The following SHB variants were observed in gnomAD, a reference collection of about 807,000 sequenced individuals.
SHB encodes SH2 domain-containing adapter protein B.
A neutral mutation model predicts 52.3 loss-of-function variants in SHB; 20 were observed. The ratio of observed to expected loss-of-function variants is 0.38; its 90% CI spans 0.27 to 0.56. SHB has a LOEUF of 0.56. Ranked by LOEUF, SHB falls within the 20% of genes least tolerant of loss-of-function variation. SHB has a pLI of 0.71. For missense variants in SHB, 825 were observed against 723.3 expected (o/e 1.14, Z -1.61); for synonymous variants, 397 against 316.5 (o/e 1.25, Z -2.70).
At chr9:38,036,697 G>C (rs1428491995) in intron 1 of SHB, among the ~76,000 whole-genome samples, 1 of 152,242 alleles carries the variant, frequency 6.6e-6, no homozygotes, top group Non-Finnish European at 1.5e-5. Flanking sequence ...TCTCTCCATT[G>C]AGCCACAGGA....
intron 5 of SHB, among the ~76,000 whole-genome samples, chr9:37,933,535 C>T (rs1832336935): frequency 6.6e-6 from 1 of 152,146 alleles, no homozygotes; most frequent in South Asian, 2.1e-4. Context: ...CCTAGAATGT[C>T]CACCAGTACC....
chr9:38,008,441 T>C (rs1821097367), intron 2 of SHB, among the ~76,000 whole-genome samples: 1 of 152,260 alleles, frequency 6.6e-6, no homozygotes, highest in African/African-American at 2.4e-5. Flanking sequence ...ATCTCCTTCC[T>C]GTCCGGTAGG....
chr9:38,018,725 G>A (rs1263827759), intron 1 of SHB, among the ~76,000 whole-genome samples: 1 of 152,162 alleles, frequency 6.6e-6, no homozygotes, highest in Non-Finnish European at 1.5e-5. Flanking sequence ...ATTCAACCAG[G>A]TGTTAGGAGA....
At chr9:38,025,967 A>G (rs1296684988) in intron 1 of SHB, among the ~76,000 whole-genome samples, 4 of 152,238 alleles carry the variant, frequency 2.6e-5, no homozygotes, top group African/African-American at 9.6e-5. Flanking sequence ...ACATATTTAC[A>G]GAGTGCCTCC....
At chr9:37,956,258 G>A (rs942171367) in intron 3 of SHB, among the ~76,000 whole-genome samples, 2 of 152,204 alleles carry the variant, frequency 1.3e-5, no homozygotes, top group African/African-American at 4.8e-5. Flanking sequence ...AATGGTGCGT[G>A]TGAGGGGCTG....
intron 1 of SHB, among the ~76,000 whole-genome samples, chr9:38,059,976 G>A (rs1200808994): frequency 1.3e-5 from 2 of 152,196 alleles, no homozygotes; most frequent in East Asian, 1.9e-4. Context: ...ATAAATGTTG[G>A]AATCAGTCAC....
intron 1 of SHB, among the ~76,000 whole-genome samples, chr9:38,031,715 C>A (rs755817225): frequency 5.9e-5 from 9 of 152,216 alleles, no homozygotes; most frequent in Non-Finnish European, 8.8e-5. Context: ...CAGCACTTGA[C>A]AACGGCTGTA....
At chr9:37,977,982 G>A (rs1457977400) in intron 2 of SHB, among the ~76,000 whole-genome samples, 1 of 152,200 alleles carries the variant, frequency 6.6e-6, no homozygotes, top group African/African-American at 2.4e-5. Flanking sequence ...GAGTGCTTTT[G>A]CTCACTCTCA....
intron 1 of SHB, among the ~76,000 whole-genome samples, chr9:38,022,964 T>A (rs970844367): frequency 1.3e-5 from 2 of 152,156 alleles, no homozygotes; most frequent in African/African-American, 4.8e-5. Flanking sequence ...ACACTCAGTA[T>A]CTTTCTAGTG....
intron 3 of SHB, among the ~76,000 whole-genome samples, chr9:37,973,181 G>A (rs183375361): frequency 1.2e-4 from 18 of 152,278 alleles, no homozygotes; most frequent in Admixed American, 2.6e-4. Flanking sequence ...CTGGACATTC[G>A]GGTTGCTCTC....
At chr9:37,998,170 G>A (rs1451031517) in intron 2 of SHB, among the ~76,000 whole-genome samples, 6 of 150,832 alleles carry the variant, frequency 4.0e-5, no homozygotes, top group African/African-American at 7.3e-5. Context: ...TCTGAGTTAC[G>A]ATTCCAAGGC....
intron 1 of SHB, among the ~76,000 whole-genome samples, chr9:38,057,566 A>G (rs1322282462): frequency 6.6e-6 from 1 of 152,230 alleles, no homozygotes; most frequent in Non-Finnish European, 1.5e-5. Context: ...AGGGCCCCAC[A>G]CAGGGCAGGT....
At chr9:37,939,490 T>C (rs1007389911) in intron 5 of SHB, among the ~76,000 whole-genome samples, 3 of 152,232 alleles carry the variant, frequency 2.0e-5, no homozygotes, top group Non-Finnish European at 2.9e-5. Flanking sequence ...ATTTGGGTCA[T>C]GGATGCTGAC....
chr9:37,916,079 C>T lies in SHB; in HGVS notation c.*3742G>A, dbSNP rs997354417. ...GAAAGGCCAAGGGGCACCTGTGTTC[C>T]AGGACCAAGGGGCTTGCCCTCCTGC... is the stretch of plus-strand genomic sequence containing the variant. On this transcript the variant is annotated 3_prime_UTR_variant, in exon 6 of 6. Transcript: ENST00000377707. 1.3e-5 allele frequency among the ~76,000 whole-genome samples: 2 copies of T among 150,758 alleles called. No homozygotes were observed. Among genetic ancestry groups the T allele is most frequent in the African/African-American group, 2.5e-5 (1 of 40,058 alleles).
chr9:37,938,998 T>TGG (rs1832406971), intron 5 of SHB, among the ~76,000 whole-genome samples: 1 of 152,222 alleles, frequency 6.6e-6, no homozygotes. Flanking sequence ...CTCCGAAATC[T>TGG]GGATGTGGTC....
rs142983370 is a variant in SHB, at chr9:37,927,181, G to A, written c.1347-7177C>T. ...ACTGGTTTCTCCAGCTGTCTGAGGC[G>A]TGGGGCAGGGGGCATGGAGGCTCCT... On this transcript the variant is annotated intron_variant, in intron 5 of 5. Coordinates refer to ENST00000377707, the MANE Select transcript of SHB (RefSeq NM_003028.3). Among the ~76,000 whole-genome samples the A allele has an allele frequency of 1.8e-3, 280 of 152,338 alleles. 1 individual carries two copies. Among genetic ancestry groups the A allele is most frequent in the African/African-American group, 6.4e-3 (267 of 41,582 alleles).
rs1431865130 is a variant in SHB at position 38,068,970 on chromosome 9, C to G, written c.-325G>C. 3 of 151,672 alleles carry G rather than the reference C, an allele frequency of 2.0e-5. No individual in the cohort carries two copies. The highest frequency in any genetic ancestry group is 4.4e-5 in the Non-Finnish European group (3 of 67,904). 9.4% of individuals were successfully genotyped at this position (151,672 alleles called of 1,614,324 possible). On this transcript the variant is annotated 5_prime_UTR_variant, in exon 1 of 6. Transcript: ENST00000377707. ...GCGCTCCACGCCGCGGACCCTTTGG[C>G]CGTACGCCCCTCGCCGTGGATCGCG...
At chr9:38,053,475 GA>G (rs1211349477) in intron 1 of SHB, among the ~76,000 whole-genome samples, 2 of 152,070 alleles carry the variant, frequency 1.3e-5, no homozygotes, top group Non-Finnish European at 2.9e-5. Flanking sequence ...CTGACCTCGT[GA>G]TCCGCCCACC....
chr9:38,019,772 G>GC (rs35846814), intron 1 of SHB, among the ~76,000 whole-genome samples: 90,959 of 151,996 alleles, frequency 0.6, 27,353 homozygotes, highest in Middle Eastern at 0.67. Context: ...GGGTCCATGG[G>GC]AAGGATGCTG....
Sources: gnomAD v4.1 joint callset for allele counts (sites outside exome capture counted in the v4.1 genomes callset) on GRCh38, gnomAD v4.1.1 for gene constraint, MANE v1.5 for transcripts, NCBI Gene and HGNC (gene_info 2026-07-23, HGNC 2026-07-21) for gene names.